Variants in DNAJC15 observed in about 807,000 individuals in gnomAD.
DNAJC15 encodes DnaJ heat shock protein family (Hsp40) member C15, also known as dnaJ homolog subfamily C member 15.
Under a neutral mutation model 22.4 loss-of-function variants are expected in DNAJC15, and 27 were observed. The ratio of observed to expected loss-of-function variants is 1.20; its 90% CI spans 0.89 to 1.66. The LOEUF (loss-of-function observed/expected upper bound fraction) is 1.66. Ranked by LOEUF, DNAJC15 falls within the 40% of genes most tolerant of loss-of-function variation. The pLI is 0.00. For missense variants in DNAJC15, 208 were observed against 187.1 expected (o/e 1.11, Z -0.65); for synonymous variants, 79 against 63.2 (o/e 1.25, Z -1.19).
intron 5 of DNAJC15, among the ~76,000 whole-genome samples, chr13:43,096,797 CAT>C (rs1190324485): frequency 6.6e-6 from 1 of 152,150 alleles, no homozygotes; most frequent in Non-Finnish European, 1.5e-5. Context: ...CAAAAAATGA[CAT>C]GTGATTTCTG....
Position 43,089,633 on chromosome 13 carries a change from G to C in DNAJC15, c.382+3795G>C, listed in dbSNP as rs555307964. 5.5e-4 allele frequency among the ~76,000 whole-genome samples: 84 copies of C among 152,274 alleles called. 1 individual carries two copies. Among genetic ancestry groups the C allele is most frequent in the Non-Finnish European group, 8.2e-4 (56 of 68,016 alleles). On this transcript the variant is annotated intron_variant, in intron 5 of 5. Coordinates refer to ENST00000379221, the MANE Select transcript of DNAJC15 (RefSeq NM_013238.3). ...TGGAAAGATAGCATGAGATAAAGTG[G>C]TACCCAGATTTTTAAAACTAGGTAT...
At chr13:43,056,830 T>C (rs2040533883) in intron 1 of DNAJC15, among the ~76,000 whole-genome samples, 1 of 152,226 alleles carries the variant, frequency 6.6e-6, no homozygotes, top group Admixed American at 6.5e-5. Context: ...GAACAGCCAC[T>C]CCTGCTGGCT....
rs144281000 is a variant in DNAJC15, at chr13:43,091,499, G to A, written c.382+5661G>A. Reference sequence around the variant, plus strand: ...TTTGTTCATTTCACCTAAAATTTCAGGTCTATTGTTACAAATGGGTTCATA... The same window carrying A: ...TTTGTTCATTTCACCTAAAATTTCAAGTCTATTGTTACAAATGGGTTCATA... On this transcript the variant is annotated intron_variant, in intron 5 of 5. Coordinates refer to ENST00000379221, the MANE Select transcript of DNAJC15 (RefSeq NM_013238.3). Among the ~76,000 whole-genome samples, 731 of 152,164 alleles carry A rather than the reference G, an allele frequency of 4.8e-3. 8 individuals are homozygous for A. Among genetic ancestry groups the A allele is most frequent in the African/African-American group, 0.014 (598 of 41,516 alleles).
chr13:43,059,457 C>T (rs977009284), intron 1 of DNAJC15, among the ~76,000 whole-genome samples: 4 of 152,182 alleles, frequency 2.6e-5, no homozygotes, highest in East Asian at 1.9e-4. Context: ...CACCGCTTCC[C>T]GGGTTCAAGC....
intron 4 of DNAJC15, among the ~76,000 whole-genome samples, chr13:43,081,529 C>T (rs1423885897): frequency 6.6e-6 from 1 of 151,948 alleles, no homozygotes; most frequent in African/African-American, 2.4e-5. Flanking sequence ...AGCTGCGCCT[C>T]CCAGGTTCAC....
chr13:43,062,690 A>G lies in DNAJC15; in HGVS notation c.109-2996A>G, dbSNP rs866917450. 5.9e-5 allele frequency among the ~76,000 whole-genome samples: 9 copies of G among 152,274 alleles called. No homozygotes were observed. The South Asian group carries it at 6.2e-4, about 11-fold the overall frequency. On this transcript the variant is annotated intron_variant, in intron 1 of 5. Coordinates refer to ENST00000379221, the MANE Select transcript of DNAJC15 (RefSeq NM_013238.3). ...AAAAATGTTGCAATACTTAATCTAT[A>G]AAAAATTAAATACTTTATATTTTTC...
intron 5 of DNAJC15, among the ~76,000 whole-genome samples, chr13:43,089,075 T>G (rs1230540619): frequency 6.6e-6 from 1 of 152,182 alleles, no homozygotes; most frequent in Non-Finnish European, 1.5e-5. Flanking sequence ...AAACTCTAAA[T>G]TCGTAAGTTT....
At chr13:43,025,480 CTG>C (rs1426606733) in intron 1 of DNAJC15, among the ~76,000 whole-genome samples, 1 of 152,188 alleles carries the variant, frequency 6.6e-6, no homozygotes, top group Non-Finnish European at 1.5e-5. Flanking sequence ...CTCAAACTGT[CTG>C]TGTCCTGTAA....
intron 5 of DNAJC15, among the ~76,000 whole-genome samples, chr13:43,090,797 T>C (rs980852745): frequency 1.3e-5 from 2 of 151,164 alleles, no homozygotes; most frequent in African/African-American, 4.9e-5. Context: ...AAACTGCGCC[T>C]CCTGGGTTCA....
intron 1 of DNAJC15, among the ~76,000 whole-genome samples, chr13:43,058,797 T>C (rs1255707277): frequency 6.6e-6 from 1 of 151,854 alleles, no homozygotes; most frequent in Non-Finnish European, 1.5e-5. Context: ...GGACCAGGAG[T>C]GCTTATAGGG....
At chr13:43,100,874 C>T (rs1260334986) in intron 5 of DNAJC15, among the ~76,000 whole-genome samples, 1 of 152,068 alleles carries the variant, frequency 6.6e-6, no homozygotes, top group African/African-American at 2.4e-5. Flanking sequence ...ATTTATTCTT[C>T]ATTTCTTAGT....
intron 4 of DNAJC15, among the ~76,000 whole-genome samples, chr13:43,082,072 G>A (rs940858329): frequency 2.0e-5 from 3 of 151,918 alleles, no homozygotes; most frequent in South Asian, 4.2e-4. Flanking sequence ...ACCTCCCACC[G>A]GTTCCCCTCC....
Position 43,085,829 on chromosome 13 carries a change from C to CCAGA in DNAJC15, c.374_377dup (p.Lys127ArgfsTer2). 4.3e-6 allele frequency: 7 copies of CCAGA among 1,612,796 alleles called. No individual in the cohort carries two copies. Among genetic ancestry groups the CCAGA allele is most frequent in the Non-Finnish European group, 5.9e-6 (7 of 1,179,474 alleles). ...TAGGAGAGTCATGATTTTGAATCAC[C>CCAGA]CAGATAAAGGTAGGTAGAATTCCTA... On this transcript the variant is annotated frameshift_variant, in exon 5 of 6. Transcript: ENST00000379221. LOFTEE classifies it high-confidence loss of function.
intron 1 of DNAJC15, among the ~76,000 whole-genome samples, chr13:43,032,101 A>C (rs1373778600): frequency 1.3e-5 from 2 of 152,214 alleles, no homozygotes; most frequent in Non-Finnish European, 2.9e-5. Context: ...GGGGAGCTGG[A>C]GCCACTGCTG....
At chr13:43,052,710 C>T (rs1014819731) in intron 1 of DNAJC15, among the ~76,000 whole-genome samples, 13 of 152,170 alleles carry the variant, frequency 8.5e-5, no homozygotes, top group Admixed American at 7.9e-4. Context: ...AGACACTGTG[C>T]TCGGCCATTA....
intron 3 of DNAJC15, among the ~76,000 whole-genome samples, chr13:43,075,330 A>G (rs1204539379): frequency 6.6e-6 from 1 of 152,230 alleles, no homozygotes; most frequent in African/African-American, 2.4e-5. Flanking sequence ...CTCAGATACC[A>G]ATACCTGCTT....
chr13:43,038,665 T>G (rs1447588153), intron 1 of DNAJC15, among the ~76,000 whole-genome samples: 1 of 151,746 alleles, frequency 6.6e-6, no homozygotes, highest in Non-Finnish European at 1.5e-5. Context: ...GGTGGCTGGC[T>G]CCTGTAGTAC....
intron 3 of DNAJC15, among the ~76,000 whole-genome samples, chr13:43,069,415 T>G (rs2040598686): frequency 6.6e-6 from 1 of 152,194 alleles, no homozygotes; most frequent in African/African-American, 2.4e-5. Context: ...GATGCCATCT[T>G]GTAATTTGAA....
chr13:43,070,979 A>C (rs2040606236), intron 3 of DNAJC15, among the ~76,000 whole-genome samples: 1 of 152,210 alleles, frequency 6.6e-6, no homozygotes, highest in South Asian at 2.1e-4. Flanking sequence ...ACACAGTAAC[A>C]TAGTTCTTTA....
Sources: gnomAD v4.1 joint callset for allele counts (sites outside exome capture counted in the v4.1 genomes callset) on GRCh38, gnomAD v4.1.1 for gene constraint, MANE v1.5 for transcripts, NCBI Gene and HGNC (gene_info 2026-07-23, HGNC 2026-07-21) for gene names.